The following DLG2 variants were observed in gnomAD, a reference collection of about 807,000 sequenced individuals.
DLG2 encodes the protein disks large homolog 2.
A neutral mutation model predicts 132.5 loss-of-function variants in DLG2; 45 were observed. That is an observed-to-expected ratio of 0.34 (90% CI 0.27 to 0.44). The LOEUF (loss-of-function observed/expected upper bound fraction) is 0.44. Ranked by LOEUF, DLG2 falls within the 20% of genes least tolerant of loss-of-function variation. DLG2 has a pLI of 1.00. For missense variants in DLG2, 1,045 were observed against 1,196.9 expected (o/e 0.87, Z 1.87); for synonymous variants, 424 against 419.6 (o/e 1.01, Z -0.13).
chr11:84,940,998 G>A (rs190692628), intron 6 of DLG2, among the ~76,000 whole-genome samples: 2 of 152,094 alleles, frequency 1.3e-5, no homozygotes, highest in African/African-American at 4.8e-5. Flanking sequence ...TTTCCCCAAT[G>A]TATGTTCTTG....
At chr11:84,794,319 C>T (rs1382437972) in intron 6 of DLG2, among the ~76,000 whole-genome samples, 2 of 152,172 alleles carry the variant, frequency 1.3e-5, no homozygotes, top group Non-Finnish European at 2.9e-5. Flanking sequence ...AATCTGATGG[C>T]AGTGGTGGCC....
chr11:84,889,708 A>C (rs1013223932), intron 6 of DLG2, among the ~76,000 whole-genome samples: 1 of 152,200 alleles, frequency 6.6e-6, no homozygotes. Context: ...AGAAAATTAT[A>C]AACAGTTGAG....
intron 4 of DLG2, among the ~76,000 whole-genome samples, chr11:85,156,381 G>T (rs2077588524): frequency 6.6e-6 from 1 of 152,176 alleles, no homozygotes; most frequent in African/African-American, 2.4e-5. Flanking sequence ...TTTGATGAAT[G>T]AAAAATAAAG....
intron 11 of DLG2, among the ~76,000 whole-genome samples, chr11:84,016,166 C>T (rs1451844922): frequency 1.3e-5 from 2 of 151,910 alleles, no homozygotes; most frequent in Non-Finnish European, 2.9e-5. Context: ...GTTTGTTGGC[C>T]ACACCTCTGT....
At chr11:84,512,975 T>C (rs1490879532) in intron 7 of DLG2, among the ~76,000 whole-genome samples, 1 of 148,344 alleles carries the variant, frequency 6.7e-6, no homozygotes, top group Non-Finnish European at 1.5e-5. Context: ...CAATACACAC[T>C]GGGGCCTGTT....
intron 16 of DLG2, among the ~76,000 whole-genome samples, chr11:83,839,173 T>C (rs906320437): frequency 2.0e-5 from 3 of 152,204 alleles, no homozygotes; most frequent in Non-Finnish European, 4.4e-5. Context: ...CTGGACCCCA[T>C]TGATTTCAAA....
intron 3 of DLG2, among the ~76,000 whole-genome samples, chr11:85,428,271 G>A (rs1191363903): frequency 2.0e-5 from 3 of 152,164 alleles, no homozygotes; most frequent in African/African-American, 7.2e-5. Context: ...TCTGCACCAA[G>A]TGGACCTAAT....
At chr11:83,530,686 C>A in intron 21 of DLG2, among the ~76,000 whole-genome samples, 1 of 151,902 alleles carries the variant, frequency 6.6e-6, no homozygotes, top group Non-Finnish European at 1.5e-5. Flanking sequence ...ATGTCAGGAA[C>A]AAGACAAAAA....
intron 19 of DLG2, among the ~76,000 whole-genome samples, chr11:83,627,813 A>G (rs2062857186): frequency 6.6e-6 from 1 of 152,198 alleles, no homozygotes; most frequent in South Asian, 2.1e-4. Flanking sequence ...TGGTTGAACT[A>G]GTTTACACTC....
chr11:84,456,103 T>C lies in DLG2; in HGVS notation c.519+78467A>G, dbSNP rs559440882. ...CATGAAAAGCCTGTTGACAATCTTA[T>C]GGTGACTATATTCAGGCATTTTGAT... is the stretch of plus-strand genomic sequence containing the variant. On this transcript the variant is annotated intron_variant, in intron 7 of 27. Coordinates refer to ENST00000376104, the MANE Select transcript of DLG2 (RefSeq NM_001142699.3). Among the ~76,000 whole-genome samples the C allele has an allele frequency of 4.4e-4, 67 of 151,486 alleles. 1 individual carries two copies. Among genetic ancestry groups the C allele is most frequent in the African/African-American group, 1.5e-3 (61 of 41,452 alleles).
At chr11:85,040,269 T>C (rs1048014319) in intron 6 of DLG2, among the ~76,000 whole-genome samples, 1 of 151,896 alleles carries the variant, frequency 6.6e-6, no homozygotes, top group Admixed American at 6.6e-5. Flanking sequence ...GCTCAATCAA[T>C]TCAAAACACA....
At chr11:84,601,489 A>G (rs1443418725) in intron 6 of DLG2, among the ~76,000 whole-genome samples, 1 of 152,102 alleles carries the variant, frequency 6.6e-6, no homozygotes, top group African/African-American at 2.4e-5. Context: ...AAGACAAGAC[A>G]GGCAATTTTG....
chr11:84,930,791 T>C (rs2047995629), intron 6 of DLG2, among the ~76,000 whole-genome samples: 1 of 152,108 alleles, frequency 6.6e-6, no homozygotes, highest in Non-Finnish European at 1.5e-5. Context: ...TGCAAGACTT[T>C]CCCATCTAAA....
chr11:83,777,562 C>CTGA (rs1156830670), intron 18 of DLG2, among the ~76,000 whole-genome samples: 1 of 152,138 alleles, frequency 6.6e-6, no homozygotes, highest in Non-Finnish European at 1.5e-5. Flanking sequence ...ATTTATTAAA[C>CTGA]TGATAAGATT....
At chr11:85,284,682 G>A (rs1261552355) in intron 4 of DLG2, among the ~76,000 whole-genome samples, 10 of 151,718 alleles carry the variant, frequency 6.6e-5, no homozygotes, top group East Asian at 1.9e-4. Flanking sequence ...CAAGTTGATC[G>A]TACAACTCTA....
At chr11:85,267,909 C>T (rs879758683) in intron 4 of DLG2, among the ~76,000 whole-genome samples, 5 of 129,814 alleles carry the variant, frequency 3.9e-5, no homozygotes, top group Non-Finnish European at 6.9e-5. Flanking sequence ...TGTGTGTGTA[C>T]GTATGTGTGT....
At chr11:84,472,431 T>C (rs2099110871) in intron 7 of DLG2, among the ~76,000 whole-genome samples, 1 of 151,980 alleles carries the variant, frequency 6.6e-6, no homozygotes, top group Admixed American at 6.6e-5. Flanking sequence ...TCGATAAGTT[T>C]AATATTTGCC....
intron 6 of DLG2, among the ~76,000 whole-genome samples, chr11:84,960,414 T>C (rs1033985334): frequency 7.2e-5 from 11 of 152,064 alleles, no homozygotes; most frequent in African/African-American, 1.9e-4. Flanking sequence ...CACTTATTTC[T>C]ATAACAAAAT....
At chr11:84,733,631 C>G (rs566692898) in intron 6 of DLG2, among the ~76,000 whole-genome samples, 1 of 152,134 alleles carries the variant, frequency 6.6e-6, no homozygotes, top group Non-Finnish European at 1.5e-5. Context: ...TGCAGAAGCT[C>G]TTTAGTTTAA....
Sources: gnomAD v4.1 joint callset for allele counts (sites outside exome capture counted in the v4.1 genomes callset) on GRCh38, gnomAD v4.1.1 for gene constraint, MANE v1.5 for transcripts, NCBI Gene and HGNC (gene_info 2026-07-23, HGNC 2026-07-21) for gene names.